Variants in ATXN1 observed in about 807,000 individuals in gnomAD.
ATXN1 encodes ataxin 1.
A neutral mutation model predicts 56.4 loss-of-function variants in ATXN1; 8 were observed. The ratio of observed to expected loss-of-function variants is 0.14; its 90% CI spans 0.08 to 0.26. The LOEUF (loss-of-function observed/expected upper bound fraction) is 0.26, where lower values mean the gene tolerates loss of function less well. Ranked by LOEUF, ATXN1 falls within the 10% of genes least tolerant of loss-of-function variation. The pLI, the probability that ATXN1 is intolerant of heterozygous loss-of-function variation, is 1.00. For synonymous variants in ATXN1, 514 were observed against 494.6 expected, an observed-to-expected ratio of 1.04 and a Z score of -0.52; for missense variants, 987 against 1,106.5, an observed-to-expected ratio of 0.89 and a Z score of 1.53.
At chr6:16,567,431 C>T (rs1762249516) in intron 4 of ATXN1, among the ~76,000 whole-genome samples, 2 of 152,190 alleles carry the variant, frequency 1.3e-5, no homozygotes, top group African/African-American at 4.8e-5. Flanking sequence ...GAGTGCAAGT[C>T]AGAATAACTT....
rs1364831403 is a variant in ATXN1 at position 16,327,277 on chromosome 6, C to T, written c.1034G>A (p.Gly345Asp). ...AGGAACCGACTTGCCGCCTGCCTTG[C>T]CCAGGCCCAGGTCGGCTGAGGACGG... ...GAPSSADLGLGKAGGKSVPHP... is the reference protein window; with the variant it reads ...GAPSSADLGLDKAGGKSVPHP... The change falls in exon 7 of 8, where the codon GGC becomes GAC. Residue 345 changes from glycine to aspartate, a missense_variant. Physicochemically the swap from Gly to Asp is moderately conservative, Grantham distance 94. Transcript: ENST00000436367. The T allele has an allele frequency of 6.2e-7, 1 of 1,613,306 alleles. No homozygotes were observed.
chr6:16,409,017 G>T (rs1581742709), intron 6 of ATXN1, among the ~76,000 whole-genome samples: 1 of 152,110 alleles, frequency 6.6e-6, no homozygotes, highest in African/African-American at 2.4e-5. Flanking sequence ...GGGTTCTAAG[G>T]TTTAGTCAAT....
At chr6:16,367,362 T>TCACACACA (rs67144687) in intron 6 of ATXN1, among the ~76,000 whole-genome samples, 1 of 144,462 alleles carries the variant, frequency 6.9e-6, no homozygotes, top group African/African-American at 2.6e-5. Flanking sequence ...TCTCTCTCTC[T>TCACACACA]CACACACACA....
At chr6:16,405,374 T>G (rs1192149753) in intron 6 of ATXN1, among the ~76,000 whole-genome samples, 1 of 152,220 alleles carries the variant, frequency 6.6e-6, no homozygotes, top group African/African-American at 2.4e-5. Flanking sequence ...CCTAAAGACC[T>G]TTATTTAAAT....
At chr6:16,535,843 A>G (rs1239519154) in intron 4 of ATXN1, among the ~76,000 whole-genome samples, 1 of 152,198 alleles carries the variant, frequency 6.6e-6, no homozygotes, top group East Asian at 1.9e-4. Flanking sequence ...TAGGTCACAT[A>G]TGATGTGATA....
chr6:16,416,110 C>T (rs1226282603), intron 6 of ATXN1, among the ~76,000 whole-genome samples: 1 of 120,202 alleles, frequency 8.3e-6, no homozygotes, highest in Non-Finnish European at 1.8e-5. Context: ...AAAAAAAAAA[C>T]CCAGGCTTTC....
intron 6 of ATXN1, 179 bp downstream of exon 6, chr6:16,485,793 C>T (rs1362775355): frequency 6.6e-6 from 1 of 152,152 alleles, no homozygotes; most frequent in Non-Finnish European, 1.5e-5. Context: ...CCAGCAAATA[C>T]AAACAGGACC....
chr6:16,366,749 C>G (rs2010738881), intron 6 of ATXN1, among the ~76,000 whole-genome samples: 1 of 150,838 alleles, frequency 6.6e-6, no homozygotes, highest in Admixed American at 6.6e-5. Flanking sequence ...CCACTACACT[C>G]CAGCCTGGGT....
At chr6:16,692,959 A>G (rs1468554646) in intron 2 of ATXN1, among the ~76,000 whole-genome samples, 1 of 152,156 alleles carries the variant, frequency 6.6e-6, no homozygotes, top group Non-Finnish European at 1.5e-5. Flanking sequence ...GTATCTGTAC[A>G]CTGAGTAGCC....
At chr6:16,464,516 TG>T (rs1415163989) in intron 6 of ATXN1, among the ~76,000 whole-genome samples, 1 of 152,146 alleles carries the variant, frequency 6.6e-6, no homozygotes, top group African/African-American at 2.4e-5. Flanking sequence ...GCTCACTCTT[TG>T]GGTCCATGCC....
At chr6:16,493,891 T>C (rs970571272) in intron 5 of ATXN1, among the ~76,000 whole-genome samples, 5 of 152,146 alleles carry the variant, frequency 3.3e-5, no homozygotes, top group Admixed American at 6.5e-5. Context: ...GAACTAAAGG[T>C]AACTCTTTGT....
intron 2 of ATXN1, among the ~76,000 whole-genome samples, chr6:16,719,145 C>T (rs1291141911): frequency 3.9e-5 from 6 of 152,284 alleles, no homozygotes; most frequent in African/African-American, 1.2e-4. Flanking sequence ...TGGCCTTTCA[C>T]GTGAATTTAT....
rs1490508098 is a variant in ATXN1 at position 16,760,722 on chromosome 6, C to A, written c.-730+576G>T. 6.6e-6 allele frequency among the ~76,000 whole-genome samples: 1 copy of A among 151,272 alleles called. No individual in the cohort carries two copies. The highest frequency in any genetic ancestry group is 2.4e-5 in the African/African-American group (1 of 41,366). ...CCGGGCGACCACCCGCGGAGAAGTC[C>A]AGCCCTCCGTGAGACCCCCTCTCTC... On this transcript the variant is annotated intron_variant, in intron 1 of 7. Coordinates refer to ENST00000436367, the MANE Select transcript of ATXN1 (RefSeq NM_001128164.2). This position sits in a 1 kb window ranked among gnomAD's most constrained non-coding sequence, Gnocchi z 5.3.
At chr6:16,343,935 A>T (rs1424076491) in intron 6 of ATXN1, among the ~76,000 whole-genome samples, 1 of 151,982 alleles carries the variant, frequency 6.6e-6, no homozygotes. Flanking sequence ...AGTACTTTCC[A>T]CACCAGCCAC....
chr6:16,342,177 C>A (rs1483725532), intron 6 of ATXN1, among the ~76,000 whole-genome samples: 1 of 152,064 alleles, frequency 6.6e-6, no homozygotes, highest in Non-Finnish European at 1.5e-5. Context: ...GCCACTGAGC[C>A]CGGCCTGTCT....
chr6:16,621,900 C>A (rs1207582407), intron 3 of ATXN1, among the ~76,000 whole-genome samples: 1 of 152,190 alleles, frequency 6.6e-6, no homozygotes, highest in African/African-American at 2.4e-5. Flanking sequence ...CTAGCCTCCA[C>A]CACCCACAAG....
intron 6 of ATXN1, among the ~76,000 whole-genome samples, chr6:16,470,196 G>A (rs1017218897): frequency 2.0e-5 from 3 of 152,112 alleles, no homozygotes; most frequent in African/African-American, 7.2e-5. Flanking sequence ...CAGACCTGAA[G>A]GACATTATGC....
At chr6:16,317,548 C>T (rs1760540112) in intron 7 of ATXN1, among the ~76,000 whole-genome samples, 1 of 152,126 alleles carries the variant, frequency 6.6e-6, no homozygotes, top group South Asian at 2.1e-4. Flanking sequence ...TGGTCTTGAA[C>T]TCTTGACCTC....
chr6:16,741,732 T>C (rs1222665414), intron 2 of ATXN1, among the ~76,000 whole-genome samples: 1 of 152,222 alleles, frequency 6.6e-6, no homozygotes, highest in East Asian at 1.9e-4. Context: ...CATTTCAAGG[T>C]CCTACTCAGA....
Sources: allele counts gnomAD v4.1 joint callset (sites outside exome capture counted in the v4.1 genomes callset), GRCh38; gene constraint gnomAD v4.1.1; non-coding constraint Gnocchi (gnomAD v3.1); transcripts MANE v1.5; gene names NCBI Gene and HGNC (gene_info 2026-07-23, HGNC 2026-07-21).